Variants in TBC1D22A observed in about 807,000 individuals in gnomAD.
The protein encoded by TBC1D22A is putative GTPase activator.
A neutral mutation model predicts 60.2 loss-of-function variants in TBC1D22A; 38 were observed. That is an observed-to-expected ratio of 0.63 (90% CI 0.49 to 0.83). TBC1D22A has a LOEUF of 0.83. Ranked by LOEUF, TBC1D22A falls within the 40% of genes least tolerant of loss-of-function variation. TBC1D22A has a pLI of 0.00. For synonymous variants in TBC1D22A, 302 were observed against 281.7 expected, an observed-to-expected ratio of 1.07 and a Z score of -0.72; for missense variants, 628 against 701.0, an observed-to-expected ratio of 0.90 and a Z score of 1.18.
intron 12 of TBC1D22A, among the ~76,000 whole-genome samples, chr22:47,143,767 C>T (rs1002338226): frequency 4.6e-5 from 7 of 152,254 alleles, no homozygotes; most frequent in Non-Finnish European, 8.8e-5. Flanking sequence ...AAGGTCCTGT[C>T]AGAGGCAGCT....
intron 12 of TBC1D22A, among the ~76,000 whole-genome samples, chr22:47,158,735 G>A (rs113446134): frequency 9.8e-4 from 149 of 152,204 alleles, no homozygotes; most frequent in African/African-American, 3.4e-3. Flanking sequence ...ACAGGGCAGC[G>A]GAGCCTCACA....
intron 4 of TBC1D22A, among the ~76,000 whole-genome samples, chr22:46,871,387 C>G (rs991074529): frequency 6.6e-6 from 1 of 152,066 alleles, no homozygotes; most frequent in Non-Finnish European, 1.5e-5. Context: ...TATAAAATAC[C>G]GCATCTACTA....
chr22:46,823,974 G>A (rs1239144754), intron 4 of TBC1D22A, among the ~76,000 whole-genome samples: 2 of 152,216 alleles, frequency 1.3e-5, no homozygotes, highest in Non-Finnish European at 2.9e-5. Flanking sequence ...GTGCCAGCCC[G>A]GGTGTGATTT....
At chr22:46,801,870 G>T (rs1001154518) in intron 4 of TBC1D22A, among the ~76,000 whole-genome samples, 3 of 152,252 alleles carry the variant, frequency 2.0e-5, no homozygotes, top group Non-Finnish European at 4.4e-5. Context: ...GCGGGAGAGG[G>T]TGTTTTGGGG....
At chr22:46,803,620 G>C (rs1330957346) in intron 4 of TBC1D22A, among the ~76,000 whole-genome samples, 1 of 152,334 alleles carries the variant, frequency 6.6e-6, no homozygotes, top group African/African-American at 2.4e-5. Flanking sequence ...GCTTACACTT[G>C]CGCGTGTCTG....
At chr22:47,110,219 C>T (rs899799099) in intron 11 of TBC1D22A, among the ~76,000 whole-genome samples, 1 of 152,222 alleles carries the variant, frequency 6.6e-6, no homozygotes, top group African/African-American at 2.4e-5. Context: ...GTGGCTCACA[C>T]TTGTAATCCC....
chr22:46,963,836 C>T (rs2073666535), intron 8 of TBC1D22A, among the ~76,000 whole-genome samples: 2 of 152,216 alleles, frequency 1.3e-5, no homozygotes, highest in Non-Finnish European at 1.5e-5. Flanking sequence ...TTTGCCTCAG[C>T]AGTGGGGAGG....
At chr22:47,159,659 C>T (rs2067890925) in intron 12 of TBC1D22A, among the ~76,000 whole-genome samples, 1 of 151,776 alleles carries the variant, frequency 6.6e-6, no homozygotes, top group Non-Finnish European at 1.5e-5. Context: ...CGTATATACA[C>T]AGTACACACA....
intron 10 of TBC1D22A, among the ~76,000 whole-genome samples, chr22:47,034,276 C>G (rs2062583277): frequency 1.3e-5 from 2 of 152,204 alleles, no homozygotes; most frequent in South Asian, 4.1e-4. Flanking sequence ...GCGTGAGCCA[C>G]TGGGACCTGT....
chr22:46,892,581 A>G (rs1363470482), intron 6 of TBC1D22A, among the ~76,000 whole-genome samples: 3 of 152,218 alleles, frequency 2.0e-5, no homozygotes, highest in African/African-American at 7.2e-5. Flanking sequence ...TACACAGATT[A>G]CTTTGGATTT....
chr22:46,884,151 T>A (rs1347906462), intron 5 of TBC1D22A, among the ~76,000 whole-genome samples: 2 of 151,234 alleles, frequency 1.3e-5, no homozygotes, highest in African/African-American at 4.9e-5. Context: ...GAAGTAGATT[T>A]GATGTGCTGT....
intron 8 of TBC1D22A, among the ~76,000 whole-genome samples, chr22:46,949,270 G>T (rs965283560): frequency 6.6e-6 from 1 of 152,352 alleles, no homozygotes; most frequent in African/African-American, 2.4e-5. Context: ...GGTCACACTC[G>T]TGTGGTTCAG....
chr22:47,164,447 G>A (rs1034541689), intron 12 of TBC1D22A, among the ~76,000 whole-genome samples: 3 of 152,226 alleles, frequency 2.0e-5, no homozygotes. Flanking sequence ...TCCTCCTAGG[G>A]AGGTTTTTCG....
intron 11 of TBC1D22A, among the ~76,000 whole-genome samples, chr22:47,093,626 A>T (rs1246716191): frequency 1.3e-5 from 2 of 152,186 alleles, no homozygotes; most frequent in African/African-American, 4.8e-5. Context: ...ATTGGTATAT[A>T]AAAGGACCTA....
At chr22:46,876,064 G>A (rs1214758570) in intron 4 of TBC1D22A, among the ~76,000 whole-genome samples, 1 of 152,168 alleles carries the variant, frequency 6.6e-6, no homozygotes, top group Non-Finnish European at 1.5e-5. Context: ...AGAGCTGCAT[G>A]GAATTTGACA....
chr22:46,956,170 G>A (rs563199843), intron 8 of TBC1D22A, among the ~76,000 whole-genome samples: 36 of 152,298 alleles, frequency 2.4e-4, no homozygotes, highest in Middle Eastern at 3.4e-3. Flanking sequence ...TTCATCTGTT[G>A]AAGTCCTAAC....
chr22:46,969,981 G>A (rs527534051), intron 8 of TBC1D22A, among the ~76,000 whole-genome samples: 28 of 152,154 alleles, frequency 1.8e-4, no homozygotes, highest in Non-Finnish European at 1.5e-5. Context: ...ACTGTAGAAA[G>A]TCCCCACAGT....
At chr22:46,847,914 AGTGG>A (rs1224974911) in intron 4 of TBC1D22A, among the ~76,000 whole-genome samples, 6 of 126,670 alleles carry the variant, frequency 4.7e-5, no homozygotes, top group South Asian at 2.6e-4. Context: ...AAGGTACCCT[AGTGG>A]GTGTGTGTGT....
intron 12 of TBC1D22A, among the ~76,000 whole-genome samples, chr22:47,143,768 A>C (rs1056070707): frequency 4.6e-5 from 7 of 152,252 alleles, no homozygotes; most frequent in Non-Finnish European, 8.8e-5. Flanking sequence ...AGGTCCTGTC[A>C]GAGGCAGCTG....
Sources: gnomAD v4.1 joint callset for allele counts (sites outside exome capture counted in the v4.1 genomes callset) on GRCh38, gnomAD v4.1.1 for gene constraint, MANE v1.5 for transcripts, NCBI Gene and HGNC (gene_info 2026-07-23, HGNC 2026-07-21) for gene names.